Variants in BACH2 observed in about 807,000 individuals in gnomAD.
BACH2 encodes the protein BACH transcriptional regulator 2.
Under a neutral mutation model 61.8 loss-of-function variants are expected in BACH2, and 5 were observed. The ratio of observed to expected loss-of-function variants is 0.08; its 90% CI spans 0.04 to 0.17. The LOEUF (loss-of-function observed/expected upper bound fraction) is 0.17, where lower values mean the gene tolerates loss of function less well. Ranked by LOEUF, BACH2 falls within the 10% of genes least tolerant of loss-of-function variation. The pLI is 1.00. For synonymous variants in BACH2, 446 were observed against 440.1 expected, an observed-to-expected ratio of 1.01 and a Z score of -0.17; for missense variants, 824 against 1,091.1, an observed-to-expected ratio of 0.76 and a Z score of 3.45.
intron 4 of BACH2, among the ~76,000 whole-genome samples, chr6:90,138,638 A>G (rs1784362488): frequency 6.6e-6 from 1 of 152,224 alleles, no homozygotes; most frequent in Non-Finnish European, 1.5e-5. Flanking sequence ...GGAGATGACA[A>G]GCCAATATGA....
At chr6:90,131,446 CAA>C (rs1224118889) in intron 4 of BACH2, among the ~76,000 whole-genome samples, 2 of 152,160 alleles carry the variant, frequency 1.3e-5, no homozygotes, top group Non-Finnish European at 2.9e-5. Flanking sequence ...CAAAGTAGTT[CAA>C]AGACACCAAC....
At chr6:90,100,481 C>T (rs1335759171) in intron 4 of BACH2, among the ~76,000 whole-genome samples, 1 of 152,098 alleles carries the variant, frequency 6.6e-6, no homozygotes, top group Non-Finnish European at 1.5e-5. Flanking sequence ...CTCATCCAAT[C>T]AGTTGAAGGC....
At chr6:90,105,968 T>C (rs1028594364) in intron 4 of BACH2, among the ~76,000 whole-genome samples, 1 of 152,178 alleles carries the variant, frequency 6.6e-6, no homozygotes, top group Admixed American at 6.5e-5. Context: ...TTGTTTCCTG[T>C]TCTCTCCAAA....
intron 3 of BACH2, among the ~76,000 whole-genome samples, chr6:90,211,065 G>T (rs1769328597): frequency 8.1e-6 from 1 of 124,216 alleles, no homozygotes; most frequent in South Asian, 2.8e-4. Context: ...TGAGGCAGGA[G>T]AATAGCCTGA....
At chr6:90,032,789 G>A (rs1779062887) in intron 5 of BACH2, among the ~76,000 whole-genome samples, 2 of 152,236 alleles carry the variant, frequency 1.3e-5, no homozygotes, top group Non-Finnish European at 2.9e-5. Context: ...CATTGTGGAA[G>A]TCAGTGTGGC....
chr6:90,281,454 T>G (rs189056295), intron 1 of BACH2, among the ~76,000 whole-genome samples: 2 of 152,242 alleles, frequency 1.3e-5, no homozygotes, highest in East Asian at 3.9e-4. Flanking sequence ...GGTTGGGAGA[T>G]AAAACACTGC....
At chr6:90,088,668 A>G (rs1424998346) in intron 5 of BACH2, among the ~76,000 whole-genome samples, 1 of 152,126 alleles carries the variant, frequency 6.6e-6, no homozygotes, top group Non-Finnish European at 1.5e-5. Flanking sequence ...CTTCTTAGAA[A>G]AGCAAATTCC....
intron 7 of BACH2, 131 bp from the exon 8 acceptor site, chr6:89,938,481 A>T (rs1440156375): frequency 8.4e-6 from 6 of 710,436 alleles, no homozygotes; most frequent in Non-Finnish European, 4.7e-6. Context: ...GCAAGCAGTG[A>T]TTACTTATTT....
intron 3 of BACH2, among the ~76,000 whole-genome samples, chr6:90,247,049 G>A (rs1251700741): frequency 3.3e-5 from 5 of 151,976 alleles, no homozygotes; most frequent in East Asian, 1.9e-4. Context: ...TCAGGTTACC[G>A]TTTTTACTGT....
chr6:90,057,023 G>A (rs1012688328), intron 5 of BACH2, among the ~76,000 whole-genome samples: 1 of 152,052 alleles, frequency 6.6e-6, no homozygotes, highest in South Asian at 2.1e-4. Flanking sequence ...GAAAGCAGGA[G>A]AGATCTAAAA....
chr6:89,980,246 A>T (rs1012362016), intron 6 of BACH2, among the ~76,000 whole-genome samples: 6 of 151,884 alleles, frequency 4.0e-5, no homozygotes, highest in Non-Finnish European at 8.8e-5. Context: ...GTGAGCCGAG[A>T]TCGTGCCACT....
chr6:90,250,985 G>C (rs1770789271), intron 3 of BACH2, among the ~76,000 whole-genome samples: 1 of 152,080 alleles, frequency 6.6e-6, no homozygotes, highest in African/African-American at 2.4e-5. Flanking sequence ...ATTTATCCAG[G>C]ATCACATATC....
At chr6:90,186,173 C>T (rs1032999162) in intron 4 of BACH2, among the ~76,000 whole-genome samples, 10 of 152,144 alleles carry the variant, frequency 6.6e-5, no homozygotes, top group African/African-American at 2.2e-4. Context: ...AGTTTGATTT[C>T]CATATTAATT....
At chr6:90,182,413 T>TCAA (rs1026901415) in intron 4 of BACH2, among the ~76,000 whole-genome samples, 1 of 152,186 alleles carries the variant, frequency 6.6e-6, no homozygotes, top group African/African-American at 2.4e-5. Flanking sequence ...ACGTTCTCCG[T>TCAA]CAAGGATTTC....
At chr6:90,089,210 T>G (rs546557515) in intron 4 of BACH2, 101 bp from the exon 5 acceptor site, 6 of 152,224 alleles carry the variant, frequency 3.9e-5, no homozygotes, top group Non-Finnish European at 8.8e-5. Flanking sequence ...CTGCTTGTTA[T>G]GATCTCACAC....
At chr6:90,097,591 CT>C (rs1782432211) in intron 4 of BACH2, among the ~76,000 whole-genome samples, 1 of 152,120 alleles carries the variant, frequency 6.6e-6, no homozygotes, top group Non-Finnish European at 1.5e-5. Flanking sequence ...CATAAAGATA[CT>C]TGGAATTCTT....
At chr6:90,138,984 T>A (rs1314408658) in intron 4 of BACH2, among the ~76,000 whole-genome samples, 1 of 152,200 alleles carries the variant, frequency 6.6e-6, no homozygotes, top group Non-Finnish European at 1.5e-5. Flanking sequence ...GCCAGGTTCA[T>A]CTTTTTGAAG....
chr6:90,016,810 T>A (rs1162784977), intron 5 of BACH2, among the ~76,000 whole-genome samples: 1 of 152,088 alleles, frequency 6.6e-6, no homozygotes, highest in Admixed American at 6.6e-5. Context: ...GACAGGTGTT[T>A]TTTTTTTTTC....
At chr6:90,161,217 A>G (rs1039622073) in intron 4 of BACH2, among the ~76,000 whole-genome samples, 2 of 152,178 alleles carry the variant, frequency 1.3e-5, no homozygotes, top group Non-Finnish European at 2.9e-5. Context: ...CAAAAAACTC[A>G]GCAATTAAAG....
Sources: allele counts gnomAD v4.1 joint callset (sites outside exome capture counted in the v4.1 genomes callset), GRCh38; gene constraint gnomAD v4.1.1; transcripts MANE v1.5; gene names NCBI Gene and HGNC (gene_info 2026-07-23, HGNC 2026-07-21).